BRWD1: variants seen among roughly 807,000 people sequenced by gnomAD.
BRWD1 encodes the protein bromodomain and WD repeat-containing protein 1.
BRWD1 carries 82 observed loss-of-function variants against 251.2 expected under a neutral mutation model. The ratio of observed to expected loss-of-function variants is 0.33; its 90% CI spans 0.27 to 0.39. BRWD1 has a LOEUF of 0.39. BRWD1 is among the 10% of genes least tolerant of loss of function. The pLI is 1.00. For missense variants in BRWD1, 2,233 were observed against 2,711.6 expected, an observed-to-expected ratio of 0.82 and a Z score of 3.92; for synonymous variants, 918 against 902.8, an observed-to-expected ratio of 1.02 and a Z score of -0.30.
chr21:39,207,100 T>C (rs971350126), intron 36 of BRWD1, among the ~76,000 whole-genome samples: 4 of 152,218 alleles, frequency 2.6e-5, no homozygotes, highest in African/African-American at 9.6e-5. Flanking sequence ...ATACTTAATC[T>C]GAAATGATCT....
In BRWD1 at chr21:39,189,431, T is replaced by G. The variant is rs1450902077; in HGVS notation, c.*6828A>C. On this transcript the variant is annotated 3_prime_UTR_variant, in exon 41 of 41. Transcript: ENST00000342449. ...AGTAAATACTAATTCTAACACATTT[T>G]AATAAATGTTTATTTGTCATCCAGA... 1.0e-6 allele frequency: 1 copy of G among 967,888 alleles called. No homozygotes were observed. Among genetic ancestry groups the G allele is most frequent in the African/African-American group, 1.8e-5 (1 of 56,828 alleles). 60.0% of individuals were successfully genotyped at this position (967,888 alleles called of 1,614,324 possible). A position where few individuals can be genotyped will look rare whatever the true frequency, so the allele number is the denominator to read the frequency against.
intron 4 of BRWD1, among the ~76,000 whole-genome samples, chr21:39,307,541 G>A (rs768691800): frequency 5.3e-5 from 8 of 151,508 alleles, no homozygotes; most frequent in Non-Finnish European, 1.0e-4. Context: ...CTTCATCTTC[G>A]CTTGTTAACC....
At chr21:39,297,992 G>C (rs1448321108) in intron 5 of BRWD1, 2 of 985,642 alleles carry the variant, frequency 2.0e-6, no homozygotes, top group African/African-American at 3.5e-5. Context: ...TGTGGTGCTT[G>C]TTTTCAAGCT....
chr21:39,314,623 A>G (rs2036657438), upstream of BRWD1: 1 of 341,182 alleles, frequency 2.9e-6, no homozygotes, highest in Non-Finnish European at 5.8e-6. Context: ...TCCTCCGCGC[A>G]TCCAGCCTGC....
rs1568840411 is a variant in BRWD1 at position 39,186,187 on chromosome 21, C to T, written c.*10072G>A. On this transcript the variant is annotated 3_prime_UTR_variant, in exon 41 of 41. Transcript: ENST00000342449. ...AGCTATACATTTTATTTTTATCTAACTGATTAAGACCTGCCTCTTAATGAG... is the reference window on the plus strand; with the variant it reads ...AGCTATACATTTTATTTTTATCTAATTGATTAAGACCTGCCTCTTAATGAG... 1 of 152,098 alleles carries T rather than the reference C, an allele frequency of 6.6e-6. No individual in the cohort carries two copies. Among genetic ancestry groups the T allele is most frequent in the Non-Finnish European group, 1.5e-5 (1 of 67,998 alleles). 9.4% of individuals were successfully genotyped at this position (152,098 alleles called of 1,614,324 possible). A position where few individuals can be genotyped will look rare whatever the true frequency, so the allele number is the denominator to read the frequency against.
chr21:39,189,985 G>A lies in BRWD1; in HGVS notation c.*6274C>T, dbSNP rs1228368026. The stretch of plus-strand genomic sequence containing the variant: ...AAAGTCATTGAGTGCTTGAGGACTT[G>A]TTTTCCTGGAAGTGATTCCCTACTT... On this transcript the variant is annotated 3_prime_UTR_variant, in exon 41 of 41. Coordinates refer to ENST00000342449, the MANE Select transcript of BRWD1 (RefSeq NM_033656.4). 1 of 985,268 alleles carries A rather than the reference G, an allele frequency of 1.0e-6. No homozygotes were observed. The highest frequency in any genetic ancestry group is 1.2e-6 in the Non-Finnish European group (1 of 829,922). 61.0% of individuals were successfully genotyped at this position (985,268 alleles called of 1,614,324 possible). A position where few individuals can be genotyped will look rare whatever the true frequency, so the allele number is the denominator to read the frequency against.
intron 31 of BRWD1, chr21:39,217,054 TATATATATATATATATATATA>T (rs2032958226): frequency 5.7e-5 from 1 of 17,586 alleles, no homozygotes; most frequent in African/African-American, 1.9e-4. Flanking sequence ...TATATATTTA[TATATATATATATATATATATA>T]TATATATATT....
intron 40 of BRWD1, 52 bp downstream of exon 40, chr21:39,198,711 G>C: frequency 1.4e-6 from 2 of 1,471,476 alleles, no homozygotes; most frequent in Non-Finnish European, 1.8e-6. Flanking sequence ...GTGTGTAAGA[G>C]AAAAGGATGG....
chr21:39,194,758 C>G lies in BRWD1; in HGVS notation c.*1501G>C, dbSNP rs1568850014. On this transcript the variant is annotated 3_prime_UTR_variant, in exon 41 of 41. Transcript: ENST00000342449. ...ACAGGAGAAAAGGTTTTGTCTGAAA[C>G]CAAACACAATTAGGGCTAATAAATA... 6.5e-7 allele frequency: 1 copy of G among 1,534,950 alleles called. No homozygotes were observed. The highest frequency in any genetic ancestry group is 2.0e-5 in the Admixed American group (1 of 50,938).
intron 5 of BRWD1, chr21:39,296,911 A>T (rs1176681593): frequency 1.0e-6 from 1 of 984,632 alleles, no homozygotes; most frequent in Admixed American, 6.1e-5. Context: ...TTTATATGAA[A>T]ATTCATGACT....
At chr21:39,250,582 T>C (rs1458398701) in intron 20 of BRWD1, among the ~76,000 whole-genome samples, 1 of 151,298 alleles carries the variant, frequency 6.6e-6, no homozygotes, top group African/African-American at 2.5e-5. Flanking sequence ...TCAATACCAT[T>C]GTTAGGCACT....
chr21:39,242,613 AG>A (rs955968140), intron 21 of BRWD1, among the ~76,000 whole-genome samples: 2 of 152,230 alleles, frequency 1.3e-5, no homozygotes, highest in Non-Finnish European at 2.9e-5. Context: ...CTATTGGAAG[AG>A]GATGACATCT....
intron 29 of BRWD1, among the ~76,000 whole-genome samples, chr21:39,222,695 G>A (rs2033225453): frequency 6.6e-6 from 1 of 152,136 alleles, no homozygotes; most frequent in Non-Finnish European, 1.5e-5. Context: ...ACTAACACAT[G>A]TAAGACAATG....
chr21:39,315,978 T>C (rs1398899086), upstream of BRWD1, among the ~76,000 whole-genome samples: 2 of 152,200 alleles, frequency 1.3e-5, no homozygotes, highest in Non-Finnish European at 2.9e-5. Flanking sequence ...ATATGATTTC[T>C]AGTTTAAGGA....
chr21:39,291,270 G>C (rs1268522221), intron 8 of BRWD1, among the ~76,000 whole-genome samples: 1 of 152,078 alleles, frequency 6.6e-6, no homozygotes, highest in African/African-American at 2.4e-5. Context: ...ACACAGCCTA[G>C]GTGAATGTGC....
chr21:39,294,094 A>T, intron 7 of BRWD1, 62 bp from the exon 8 acceptor site: 5 of 1,289,722 alleles, frequency 3.9e-6, no homozygotes, highest in Non-Finnish European at 5.5e-6. Flanking sequence ...TATTAAAAGA[A>T]TACCTTTTAT....
At chr21:39,237,916 CAG>C (rs1489224525) in intron 22 of BRWD1, among the ~76,000 whole-genome samples, 2 of 151,342 alleles carry the variant, frequency 1.3e-5, no homozygotes, top group Non-Finnish European at 2.9e-5. Flanking sequence ...AGAAAGGAAG[CAG>C]AGAGTATGTG....
rs1402560068 is a variant in BRWD1, at chr21:39,191,536, C to T, written c.*4723G>A. 3.1e-6 allele frequency: 3 copies of T among 982,174 alleles called. No homozygotes were observed. The East Asian group carries it at 3.4e-4, about 112-fold the overall frequency. 60.8% of individuals were successfully genotyped at this position (982,174 alleles called of 1,614,324 possible). On this transcript the variant is annotated 3_prime_UTR_variant, in exon 41 of 41. Coordinates refer to ENST00000342449, the MANE Select transcript of BRWD1 (RefSeq NM_033656.4). The stretch of plus-strand genomic sequence containing the variant: ...TAACGATCTTATGTGAAGTGGAAAA[C>T]TAAAGATCTGCTTGACAGGCTCATG...
Position 39,187,787 on chromosome 21 carries a change from C to A in BRWD1, c.*8472G>T, listed in dbSNP as rs948984623. ...TTTTCTGACCTAGGTATGTGACACA[C>A]GAGATTCAGATTAAAATTCTAAAAA... is the stretch of plus-strand genomic sequence containing the variant. On this transcript the variant is annotated 3_prime_UTR_variant, in exon 41 of 41. Coordinates refer to ENST00000342449, the MANE Select transcript of BRWD1 (RefSeq NM_033656.4). 64 of 984,998 alleles carry A rather than the reference C, an allele frequency of 6.5e-5. No homozygotes were observed. The highest frequency in any genetic ancestry group is 7.4e-5 in the Non-Finnish European group (61 of 829,820). The allele number at this position is 984,998 out of a possible 1,614,324, so 61.0% of individuals were successfully genotyped here. A position where few individuals can be genotyped will look rare whatever the true frequency, so the allele number is the denominator to read the frequency against.
Sources: gnomAD v4.1 joint callset for allele counts (sites outside exome capture counted in the v4.1 genomes callset) on GRCh38, gnomAD v4.1.1 for gene constraint, MANE v1.5 for transcripts, NCBI Gene and HGNC (gene_info 2026-07-23, HGNC 2026-07-21) for gene names.